Variants in NOS1 observed in about 807,000 individuals in gnomAD.
The protein encoded by NOS1 is nitric oxide synthase 1, also known as NOS type I.
A neutral mutation model predicts 164.5 loss-of-function variants in NOS1; 51 were observed. That is an observed-to-expected ratio of 0.31 (90% CI 0.25 to 0.39). The LOEUF (loss-of-function observed/expected upper bound fraction) is 0.39, where lower values mean the gene tolerates loss of function less well. Among genes scored for constraint, NOS1 ranks in the 10% least tolerant of loss-of-function variants. The probability of loss-of-function intolerance (pLI) is 1.00; values close to 1 mark genes in which losing one functional copy is unlikely to be tolerated. For missense variants in NOS1, 1,362 were observed against 1,885.6 expected (o/e 0.72, Z 5.14); for synonymous variants, 719 against 745.8 (o/e 0.96, Z 0.59).
chr12:117,226,840 T>G lies in NOS1; in HGVS notation c.3617-70A>C, dbSNP rs893947593. 5.0e-6 allele frequency: 6 copies of G among 1,194,764 alleles called. No homozygotes were observed. In the African/African-American group the frequency reaches 9.0e-5, roughly 18 times the overall value. 74.0% of individuals were successfully genotyped at this position (1,194,764 alleles called of 1,614,324 possible). A position where few individuals can be genotyped will look rare whatever the true frequency, so the allele number is the denominator to read the frequency against. On this transcript the variant is annotated intron_variant, in intron 23 of 28. Transcript: ENST00000317775. ...GCACGGCCTCCCCTCCTCCCTCCAG[T>G]GCAAAATACCCACAGGCCCAGTGCC... is the stretch of plus-strand genomic sequence containing the variant.
At chr12:117,286,688 G>T (rs1020683349) in intron 5 of NOS1, among the ~76,000 whole-genome samples, 2 of 152,036 alleles carry the variant, frequency 1.3e-5, no homozygotes, top group African/African-American at 4.8e-5. Flanking sequence ...AAAAATTTTT[G>T]GTTTACAAAA....
chr12:117,277,470 A>G (rs1438202660), intron 9 of NOS1, among the ~76,000 whole-genome samples: 1 of 151,488 alleles, frequency 6.6e-6, no homozygotes, highest in Non-Finnish European at 1.5e-5. Flanking sequence ...CTGTAACCCT[A>G]TAATCCCAGC....
At chr12:117,350,273 C>T (rs1268887534) in intron 1 of NOS1, among the ~76,000 whole-genome samples, 3 of 152,190 alleles carry the variant, frequency 2.0e-5, no homozygotes, top group Non-Finnish European at 4.4e-5. Flanking sequence ...CACAGCACGC[C>T]ATTGCCATGG....
chr12:117,225,861 T>G (rs558123548), intron 24 of NOS1, among the ~76,000 whole-genome samples: 36 of 152,282 alleles, frequency 2.4e-4, no homozygotes, highest in African/African-American at 8.7e-4. Flanking sequence ...ACTCCTGACC[T>G]CAAGTGATCT....
intron 26 of NOS1, among the ~76,000 whole-genome samples, chr12:117,220,668 C>T (rs1956688229): frequency 6.6e-6 from 1 of 152,128 alleles, no homozygotes; most frequent in Non-Finnish European, 1.5e-5. Flanking sequence ...CTGGTTATTG[C>T]AGGCACCCTA....
At chr12:117,216,828 T>C (rs1172123652) in intron 28 of NOS1, among the ~76,000 whole-genome samples, 1 of 152,102 alleles carries the variant, frequency 6.6e-6, no homozygotes, top group Non-Finnish European at 1.5e-5. Flanking sequence ...GACAATGATA[T>C]GAGTCTACTG....
At chr12:117,252,053 G>A (rs752341436) in intron 17 of NOS1, among the ~76,000 whole-genome samples, 1 of 152,178 alleles carries the variant, frequency 6.6e-6, no homozygotes, top group Non-Finnish European at 1.5e-5. Flanking sequence ...TTTTATATGT[G>A]GGGGTCAGAC....
intron 13 of NOS1, 67 bp downstream of exon 13, chr12:117,263,822 C>T (rs540447285): frequency 8.2e-7 from 1 of 1,216,008 alleles, no homozygotes; most frequent in South Asian, 1.2e-5. Context: ...GTCTGCCCAG[C>T]CTCCTTCTCT....
intron 2 of NOS1, among the ~76,000 whole-genome samples, chr12:117,312,734 T>A (rs1333227023): frequency 6.6e-6 from 1 of 152,136 alleles, no homozygotes; most frequent in Non-Finnish European, 1.5e-5. Flanking sequence ...GGAATGATTG[T>A]TAATCACCAT....
intron 10 of NOS1, 38 bp from the exon 11 acceptor site, chr12:117,268,182 T>C: frequency 7.1e-7 from 1 of 1,403,916 alleles, no homozygotes; most frequent in Non-Finnish European, 1.0e-6. Flanking sequence ...CAGGCTGGGG[T>C]ATCTCTGGAT....
intron 3 of NOS1, among the ~76,000 whole-genome samples, chr12:117,304,253 T>C (rs561468549): frequency 6.6e-6 from 1 of 152,172 alleles, no homozygotes; most frequent in East Asian, 1.9e-4. Flanking sequence ...ATAATGATCC[T>C]TAGCGAAAAA....
At chr12:117,354,580 G>C (rs995566131) in intron 1 of NOS1, among the ~76,000 whole-genome samples, 2 of 152,164 alleles carry the variant, frequency 1.3e-5, no homozygotes, top group Non-Finnish European at 2.9e-5. Context: ...GTACTATTCT[G>C]ATTTATCCCC....
chr12:117,232,830 A>G (rs1869360712), intron 21 of NOS1, among the ~76,000 whole-genome samples: 1 of 152,048 alleles, frequency 6.6e-6, no homozygotes, highest in Non-Finnish European at 1.5e-5. Context: ...TTCAACACAG[A>G]GGAAGTACTG....
At chr12:117,336,026 C>T (rs1875803112) in intron 1 of NOS1, among the ~76,000 whole-genome samples, 2 of 151,218 alleles carry the variant, frequency 1.3e-5, no homozygotes, top group African/African-American at 4.9e-5. Context: ...CCATTTTTAT[C>T]TGCACCTTAC....
In NOS1 at chr12:117,330,697, G is replaced by A. The variant is rs757340203; in HGVS notation, c.373C>T (p.Pro125Ser). 8 of 1,613,782 alleles carry A rather than the reference G, an allele frequency of 5.0e-6. No individual in the cohort carries two copies. The highest frequency in any genetic ancestry group is 6.8e-6 in the Non-Finnish European group (8 of 1,179,848). Residue 125 changes from proline to serine, a missense_variant, in exon 2 of 29, where the codon CCC (proline) becomes TCC (serine). Pro to Ser is a moderately conservative substitution (Grantham distance 74, BLOSUM62 -1). This residue lies in a region of NOS1 where 362 missense variants were observed against 402.0 expected (regional missense o/e 0.90). Transcript: ENST00000317775. This position sits in a 1 kb window ranked among gnomAD's most constrained non-coding sequence, Gnocchi z 4.6. ...GTPKTIRVTQ[P>S]LGPPTKAVDL... ...ACGGCTTTGGTGGGGGGACCCAGGGGCTGTGTCACCCGGATGGTCTTGGGG... is the reference window on the plus strand; with the variant it reads ...ACGGCTTTGGTGGGGGGACCCAGGGACTGTGTCACCCGGATGGTCTTGGGG...
chr12:117,351,719 T>A (rs115744379), intron 1 of NOS1, among the ~76,000 whole-genome samples: 197 of 152,342 alleles, frequency 1.3e-3, no homozygotes, highest in African/African-American at 4.6e-3. Context: ...AATAATGCAG[T>A]GAAGTAGAAT....
intron 1 of NOS1, 48 bp from the exon 2 acceptor site, chr12:117,331,537 T>A (rs1312787595): frequency 6.4e-6 from 1 of 156,384 alleles, no homozygotes; most frequent in Admixed American, 6.2e-5. Context: ...AAAAAAGAGA[T>A]TGAAGTAGAG....
At position 117,214,936 on chromosome 12, in the gene NOS1, C is replaced by G; in HGVS notation, c.*373G>C. The G allele has an allele frequency of 1.9e-6, 2 of 1,043,102 alleles. No individual in the cohort carries two copies. The highest frequency in any genetic ancestry group is 2.3e-6 in the Non-Finnish European group (2 of 867,916). The allele number at this position is 1,043,102 out of a possible 1,614,324, so 64.6% of individuals were successfully genotyped here. A position where few individuals can be genotyped will look rare whatever the true frequency, so the allele number is the denominator to read the frequency against. On this transcript the variant is annotated 3_prime_UTR_variant, in exon 29 of 29. Transcript: ENST00000317775. ...GACTTCAGTGGCTGAGGGACTGGCT[C>G]AGAGAGCTTGTGCCTAGTTCCTGCA...
intron 18 of NOS1, among the ~76,000 whole-genome samples, chr12:117,246,344 C>T (rs1175251055): frequency 6.6e-6 from 1 of 152,090 alleles, no homozygotes. Context: ...CTATGTTGCC[C>T]AGGCTGGTCT....
Sources: allele counts gnomAD v4.1 joint callset (sites outside exome capture counted in the v4.1 genomes callset), GRCh38; gene constraint gnomAD v4.1.1; regional missense constraint gnomAD v4.1.1; non-coding constraint Gnocchi (gnomAD v3.1); transcripts MANE v1.5; gene names NCBI Gene and HGNC (gene_info 2026-07-23, HGNC 2026-07-21).